Variants in CHD2 observed in about 807,000 individuals in gnomAD.
CHD2 encodes the protein chromodomain helicase DNA binding protein 2.
In CHD2, 28 loss-of-function variants were observed where a neutral mutation model predicts 243.9. The ratio of observed to expected loss-of-function variants is 0.11; its 90% CI spans 0.09 to 0.16. The LOEUF (loss-of-function observed/expected upper bound fraction) is 0.16, where lower values mean the gene tolerates loss of function less well. Among genes scored for constraint, CHD2 ranks in the 10% least tolerant of loss-of-function variants. CHD2 has a pLI of 1.00. For synonymous variants in CHD2, 775 were observed against 779.0 expected (o/e 0.99, Z 0.09); for missense variants, 1,386 against 2,209.8 (o/e 0.63, Z 7.47).
At chr15:92,919,630 A>T (rs796378243) in intron 2 of CHD2, among the ~76,000 whole-genome samples, 1 of 152,086 alleles carries the variant, frequency 6.6e-6, no homozygotes, top group African/African-American at 2.4e-5. Context: ...TGACCTCATG[A>T]TCTTCCCATC....
At chr15:92,924,617 G>T (rs755134379) in intron 3 of CHD2, 65 bp downstream of exon 3, 4 of 1,422,268 alleles carry the variant, frequency 2.8e-6, no homozygotes, top group African/African-American at 1.4e-5. Flanking sequence ...GACCTTTGTT[G>T]TTCATGAAAA....
Position 92,967,358 on chromosome 15 carries a change from T to C in CHD2, c.2034T>C (p.His678=), listed in dbSNP as rs1330986844. 7 of 1,611,752 alleles carry C rather than the reference T, an allele frequency of 4.3e-6. No homozygotes were observed. Among genetic ancestry groups the C allele is most frequent in the Non-Finnish European group, 5.9e-6 (7 of 1,178,552 alleles). ...TTTGGGAAGATTTTGAAGAAGACCA[T>C]GGGAAGGGGAGAGAAAATGGCTACC... ...FEFWEDFEED[H]GKGRENGYQS... is the part of the protein sequence containing the mutation. The change falls in exon 17 of 39, where the codon CAT becomes CAC. Residue 678 remains histidine (H), a synonymous_variant. Coordinates refer to ENST00000394196, the MANE Select transcript of CHD2 (RefSeq NM_001271.4).
At chr15:92,935,580 T>G (rs918746911) in intron 5 of CHD2, among the ~76,000 whole-genome samples, 5 of 152,122 alleles carry the variant, frequency 3.3e-5, no homozygotes, top group African/African-American at 1.2e-4. Context: ...TTCATATTCC[T>G]TCAAGCATGC....
At chr15:93,001,177 T>C (rs1334114901) in intron 32 of CHD2, among the ~76,000 whole-genome samples, 3 of 152,036 alleles carry the variant, frequency 2.0e-5, no homozygotes, top group Non-Finnish European at 4.4e-5. Context: ...TCCTAAAGTT[T>C]TAATGATAAA....
At position 92,929,083 on chromosome 15, in the gene CHD2, G is replaced by GA; in HGVS notation, c.441dup (p.Gln148ThrfsTer12). On this transcript the variant is annotated frameshift_variant, in exon 5 of 39. Transcript: ENST00000394196. LOFTEE classifies it high-confidence loss of function. ...CAAAAAGAAGAGGCCAGAGGCAGCT[G>GA]AAAAAACAGTAAGTCTTTCATGGGG... 6.2e-7 allele frequency: 1 copy of GA among 1,607,312 alleles called. No homozygotes were observed. The highest frequency in any genetic ancestry group is 8.5e-7 in the Non-Finnish European group (1 of 1,176,018).
Position 92,998,762 on chromosome 15 carries a change from T to A in CHD2, c.4008+141T>A. ...GCATATTTTGTTTTTGAGGTTCCAG[T>A]AATGATGCTTTGCTTGGTAATAATA... On this transcript the variant is annotated intron_variant, in intron 31 of 38. Coordinates refer to ENST00000394196, the MANE Select transcript of CHD2 (RefSeq NM_001271.4). The surrounding 1 kb of genome is among the most constrained non-coding windows in gnomAD (Gnocchi z 5.1). The A allele has an allele frequency of 9.2e-7, 1 of 1,084,968 alleles. No homozygotes were observed. The highest frequency in any genetic ancestry group is 1.3e-6 in the Non-Finnish European group (1 of 757,734). 67.2% of individuals were successfully genotyped at this position (1,084,968 alleles called of 1,614,324 possible). A position where few individuals can be genotyped will look rare whatever the true frequency, so the allele number is the denominator to read the frequency against.
intron 22 of CHD2, among the ~76,000 whole-genome samples, chr15:92,979,891 C>T (rs1005487943): frequency 1.3e-5 from 2 of 151,374 alleles, no homozygotes; most frequent in African/African-American, 4.9e-5. Context: ...GCAGTCCAGC[C>T]TGGGCGACCG....
intron 5 of CHD2, among the ~76,000 whole-genome samples, chr15:92,932,917 A>G (rs1055370623): frequency 6.6e-6 from 1 of 151,408 alleles, no homozygotes; most frequent in Non-Finnish European, 1.5e-5. Context: ...TGATTTTTGT[A>G]TTTTTAATAG....
At chr15:92,954,467 T>A (rs988401789) in intron 14 of CHD2, 3 of 152,244 alleles carry the variant, frequency 2.0e-5, no homozygotes, top group African/African-American at 7.2e-5. Context: ...ACCATATATT[T>A]TCATACAAAT....
At chr15:92,929,344 T>G (rs1034242181) in intron 5 of CHD2, among the ~76,000 whole-genome samples, 4 of 152,128 alleles carry the variant, frequency 2.6e-5, no homozygotes, top group African/African-American at 4.8e-5. Flanking sequence ...AATCTCAGCT[T>G]CTTCCATCGG....
At chr15:92,918,653 A>G (rs2052888671) in intron 2 of CHD2, among the ~76,000 whole-genome samples, 1 of 152,082 alleles carries the variant, frequency 6.6e-6, no homozygotes, top group African/African-American at 2.4e-5. Flanking sequence ...CTAAACCAGC[A>G]CTAAAGCTAC....
intron 2 of CHD2, among the ~76,000 whole-genome samples, chr15:92,917,511 A>C (rs1224989231): frequency 1.3e-5 from 2 of 152,212 alleles, no homozygotes; most frequent in African/African-American, 4.8e-5. Context: ...CGGTGAGCCG[A>C]GATCACGCCA....
chr15:92,913,709 G>A (rs1042346002), intron 2 of CHD2, among the ~76,000 whole-genome samples: 27 of 152,268 alleles, frequency 1.8e-4, no homozygotes, highest in Non-Finnish European at 3.4e-4. Context: ...AAAATTAGCC[G>A]GGTGTGGCAG....
intron 15 of CHD2, among the ~76,000 whole-genome samples, chr15:92,956,106 G>GAGA (rs1426895002): frequency 6.6e-6 from 1 of 152,172 alleles, no homozygotes; most frequent in Non-Finnish European, 1.5e-5. Flanking sequence ...GGTTGGGGTG[G>GAGA]AGAATAGGCA....
chr15:92,957,503 T>C (rs377416140), intron 16 of CHD2, among the ~76,000 whole-genome samples: 1 of 152,170 alleles, frequency 6.6e-6, no homozygotes, highest in Non-Finnish European at 1.5e-5. Flanking sequence ...TATGTTCTCA[T>C]TCATCTCATG....
chr15:93,004,820 G>T, intron 34 of CHD2, 69 bp downstream of exon 34: 4 of 1,517,404 alleles, frequency 2.6e-6, no homozygotes, highest in Non-Finnish European at 3.6e-6. Flanking sequence ...GCCTTTTATA[G>T]GTCCAGCCAG....
At chr15:92,978,104 C>A in intron 20 of CHD2, 130 bp from the exon 21 acceptor site, 1 of 1,024,904 alleles carries the variant, frequency 9.8e-7, no homozygotes, top group Non-Finnish European at 1.5e-6. Context: ...TTTTAGCCTC[C>A]ATAAAGTTTG....
chr15:92,967,831 T>C (rs1652709406), intron 17 of CHD2, among the ~76,000 whole-genome samples: 1 of 152,162 alleles, frequency 6.6e-6, no homozygotes, highest in Non-Finnish European at 1.5e-5. Flanking sequence ...ACTGTTGTTA[T>C]GTCTAAAAAA....
In CHD2 at chr15:93,025,045, A is replaced by T; in HGVS notation, c.*340A>T. 3.9e-6 allele frequency: 1 copy of T among 257,750 alleles called. No homozygotes were observed. Among genetic ancestry groups the T allele is most frequent in the South Asian group, 6.7e-5 (1 of 14,938 alleles). The allele number at this position is 257,750 out of a possible 1,614,324, so 16.0% of individuals were successfully genotyped here. A position where few individuals can be genotyped will look rare whatever the true frequency, so the allele number is the denominator to read the frequency against. ...GAACAGGGGATCTTCAGAGTCATGA[A>T]TGTTTTCTTGCCAGGGTCAGTGTTC... On this transcript the variant is annotated 3_prime_UTR_variant, in exon 39 of 39. Transcript: ENST00000394196.
Sources: allele counts gnomAD v4.1 joint callset (sites outside exome capture counted in the v4.1 genomes callset), GRCh38; gene constraint gnomAD v4.1.1; non-coding constraint Gnocchi (gnomAD v3.1); transcripts MANE v1.5; gene names NCBI Gene and HGNC (gene_info 2026-07-23, HGNC 2026-07-21).